The following AGBL4 variants were observed in gnomAD, a reference collection of about 807,000 sequenced individuals.
The protein encoded by AGBL4 is cytosolic carboxypeptidase 6.
Under a neutral mutation model 66.4 loss-of-function variants are expected in AGBL4, and 58 were observed. That is an observed-to-expected ratio of 0.87 (90% CI 0.71 to 1.09). The LOEUF is 1.09. Among genes scored for constraint, AGBL4 ranks in the 50% least tolerant of loss-of-function variants. The pLI, the probability that AGBL4 is intolerant of heterozygous loss-of-function variation, is 0.00. For missense variants in AGBL4, 579 were observed against 631.0 expected (o/e 0.92, Z 0.88); for synonymous variants, 234 against 222.9 (o/e 1.05, Z -0.44).
chr1:49,273,776 C>T lies in AGBL4; in HGVS notation c.283-27912G>A, dbSNP rs185994114. ...ACTGCAAGCTCCACCTCCCAGTTCA[C>T]GCCATTCTCCTGCCTCAGCCTCCTG... On this transcript the variant is annotated intron_variant, in intron 3 of 13. Coordinates refer to ENST00000371839, the MANE Select transcript of AGBL4 (RefSeq NM_032785.4). Among the ~76,000 whole-genome samples the T allele has an allele frequency of 2.2e-3, 328 of 152,080 alleles. 5 individuals are homozygous for T. The highest frequency in any genetic ancestry group is 0.019 in the Admixed American group (290 of 15,268).
intron 3 of AGBL4, among the ~76,000 whole-genome samples, chr1:49,283,615 C>A (rs1428803185): frequency 1.3e-5 from 2 of 151,852 alleles, no homozygotes; most frequent in Non-Finnish European, 2.9e-5. Flanking sequence ...AAGTTGAAAA[C>A]TTTGAAAAAA....
chr1:49,155,388 G>T (rs1646411491), intron 4 of AGBL4, among the ~76,000 whole-genome samples: 1 of 152,060 alleles, frequency 6.6e-6, no homozygotes. Context: ...TATGTGCCAG[G>T]CACTGTTTTA....
intron 6 of AGBL4, among the ~76,000 whole-genome samples, chr1:48,838,657 TAC>T (rs1646735528): frequency 6.6e-6 from 1 of 151,894 alleles, no homozygotes; most frequent in South Asian, 2.1e-4. Flanking sequence ...ACATCAAAAG[TAC>T]AGACAATCAA....
intron 3 of AGBL4, among the ~76,000 whole-genome samples, chr1:49,461,954 G>A (rs1646523100): frequency 1.3e-5 from 2 of 151,868 alleles, no homozygotes; most frequent in Admixed American, 6.6e-5. Flanking sequence ...CTTTATAGTA[G>A]AATGATTTAT....
At chr1:49,809,988 T>A (rs1645061788) in intron 2 of AGBL4, among the ~76,000 whole-genome samples, 1 of 152,236 alleles carries the variant, frequency 6.6e-6, no homozygotes. Context: ...TCACAGTGGC[T>A]ACTTTCAGTT....
intron 2 of AGBL4, among the ~76,000 whole-genome samples, chr1:49,816,133 T>C (rs1243764026): frequency 6.6e-6 from 1 of 152,142 alleles, no homozygotes; most frequent in Admixed American, 6.6e-5. Flanking sequence ...GTGGTCCTTC[T>C]GCCTCAGGCT....
At chr1:49,241,412 TTC>T (rs1353200720) in intron 4 of AGBL4, among the ~76,000 whole-genome samples, 1 of 152,120 alleles carries the variant, frequency 6.6e-6, no homozygotes, top group Non-Finnish European at 1.5e-5. Flanking sequence ...TTCAAGCACA[TTC>T]TGTTTCAGCT....
chr1:49,247,049 C>T (rs1368350225), intron 3 of AGBL4, among the ~76,000 whole-genome samples: 1 of 151,902 alleles, frequency 6.6e-6, no homozygotes, highest in Non-Finnish European at 1.5e-5. Context: ...GAGAGGTTAC[C>T]TAACTTGATT....
At chr1:48,710,470 G>A (rs546804480) in intron 6 of AGBL4, among the ~76,000 whole-genome samples, 1 of 152,252 alleles carries the variant, frequency 6.6e-6, no homozygotes, top group East Asian at 1.9e-4. Context: ...GAGGAAGGCG[G>A]GCATGAGAGG....
At chr1:49,467,413 T>G (rs925339724) in intron 3 of AGBL4, among the ~76,000 whole-genome samples, 2 of 151,864 alleles carry the variant, frequency 1.3e-5, no homozygotes, top group African/African-American at 4.8e-5. Context: ...CTCATACACA[T>G]AATTTGTCTC....
chr1:49,972,184 C>T (rs1442075472), intron 1 of AGBL4, among the ~76,000 whole-genome samples: 4 of 151,744 alleles, frequency 2.6e-5, no homozygotes, highest in Admixed American at 6.6e-5. Context: ...GCTGGGATTA[C>T]AGGCATGAGC....
intron 3 of AGBL4, among the ~76,000 whole-genome samples, chr1:49,504,108 C>T (rs1268204454): frequency 2.6e-5 from 4 of 151,998 alleles, no homozygotes; most frequent in Non-Finnish European, 4.4e-5. Flanking sequence ...GGGCGGTTTC[C>T]CCCATGCTGT....
At chr1:49,642,971 G>A (rs1645813570) in intron 3 of AGBL4, among the ~76,000 whole-genome samples, 2 of 151,848 alleles carry the variant, frequency 1.3e-5, no homozygotes, top group African/African-American at 4.8e-5. Context: ...CACAGTGAGG[G>A]AAAAAACAAC....
In AGBL4 at chr1:49,573,146, CTGTGTGTGTG is replaced by C. The variant is rs57980631; in HGVS notation, c.282+124157_282+124166del. Reference sequence around the variant, plus strand: ...TATATGTGTGTCTGTGTGTGTGTGTCTGTGTGTGTGTGTGTGTGTGTGTGTGTGTGTGTGT... The same window carrying C: ...TATATGTGTGTCTGTGTGTGTGTGTCTGTGTGTGTGTGTGTGTGTGTGTGT... On this transcript the variant is annotated intron_variant, in intron 3 of 13. Transcript: ENST00000371839. 3.3e-3 allele frequency among the ~76,000 whole-genome samples: 448 copies of C among 136,680 alleles called. 3 individuals are homozygous for C. Among genetic ancestry groups the C allele is most frequent in the African/African-American group, 6.7e-3 (252 of 37,830 alleles). 89.7% of individuals were successfully genotyped at this position (136,680 alleles called of 152,430 possible). A position where few individuals can be genotyped will look rare whatever the true frequency, so the allele number is the denominator to read the frequency against.
chr1:48,630,473 G>A (rs898634132), intron 9 of AGBL4, among the ~76,000 whole-genome samples: 1 of 151,910 alleles, frequency 6.6e-6, no homozygotes, highest in African/African-American at 2.4e-5. Context: ...CACACTACTC[G>A]GCTGCCCAAG....
chr1:48,642,774 C>T (rs555820125), intron 8 of AGBL4, among the ~76,000 whole-genome samples: 7 of 152,216 alleles, frequency 4.6e-5, no homozygotes, highest in Middle Eastern at 3.4e-3. Flanking sequence ...TCACCATTTC[C>T]GTTTCTTAAG....
At chr1:49,148,488 T>C (rs1201802531) in intron 4 of AGBL4, among the ~76,000 whole-genome samples, 1 of 152,166 alleles carries the variant, frequency 6.6e-6, no homozygotes, top group Non-Finnish European at 1.5e-5. Flanking sequence ...GAACTGAAAC[T>C]GCTGAGCCAG....
At chr1:48,869,097 A>G (rs1399221709) in intron 5 of AGBL4, among the ~76,000 whole-genome samples, 3 of 152,114 alleles carry the variant, frequency 2.0e-5, no homozygotes, top group African/African-American at 7.2e-5. Context: ...TGCTTCAATG[A>G]CTTCTCATGT....
chr1:49,053,947 A>G (rs1644265346), intron 4 of AGBL4, among the ~76,000 whole-genome samples: 1 of 152,156 alleles, frequency 6.6e-6, no homozygotes, highest in Admixed American at 6.6e-5. Flanking sequence ...GTTAATACTT[A>G]TTTTTGAAAA....
Sources: gnomAD v4.1 joint callset for allele counts (sites outside exome capture counted in the v4.1 genomes callset) on GRCh38, gnomAD v4.1.1 for gene constraint, MANE v1.5 for transcripts, NCBI Gene and HGNC (gene_info 2026-07-23, HGNC 2026-07-21) for gene names.